Variants in TCTN1 observed in about 807,000 individuals in gnomAD.
TCTN1 encodes the protein tectonic family member 1, also known as tectonic-1.
In TCTN1, 58 loss-of-function variants were observed where a neutral mutation model predicts 65.8. The observed-to-expected ratio is 0.88, with a 90% confidence interval of 0.71 to 1.10. The LOEUF (loss-of-function observed/expected upper bound fraction) is 1.10. Among genes scored for constraint, TCTN1 ranks in the 50% least tolerant of loss-of-function variants. TCTN1 has a pLI of 0.00. For missense variants in TCTN1, 645 were observed against 719.4 expected (o/e 0.90, Z 1.18); for synonymous variants, 273 against 289.1 (o/e 0.94, Z 0.57).
At chr12:110,622,761 C>G (rs1344519139) in intron 2 of TCTN1, among the ~76,000 whole-genome samples, 2 of 152,164 alleles carry the variant, frequency 1.3e-5, no homozygotes, top group African/African-American at 4.8e-5. Context: ...GGTTTGGACT[C>G]TGTCCTGAAG....
chr12:110,632,461 T>A lies in TCTN1; in HGVS notation c.625-11T>A, dbSNP rs777545986. On this transcript the variant is annotated splice_polypyrimidine_tract_variant and intron_variant, in intron 4 of 14. Coordinates refer to ENST00000397659, the MANE Select transcript of TCTN1 (RefSeq NM_001082538.3). The stretch of plus-strand genomic sequence containing the variant: ...TTACACCATAACGACTGTTGGTTGT[T>A]GTGTTTGCAGTATGGGGTTCCTCTG... 1 of 1,613,732 alleles carries A rather than the reference T, an allele frequency of 6.2e-7. No individual in the cohort carries two copies.
Position 110,626,500 on chromosome 12 carries a change from T to C in TCTN1, c.472+8T>C. The stretch of plus-strand genomic sequence containing the variant: ...GCATTCATATTACAAACTGTAAGTA[T>C]TTGACATTGATATATTTTGTGAAGC... On this transcript the variant is annotated splice_region_variant and intron_variant, in intron 3 of 14. Transcript: ENST00000397659. The C allele has an allele frequency of 6.2e-7, 1 of 1,610,894 alleles. No homozygotes were observed. The highest frequency in any genetic ancestry group is 8.5e-7 in the Non-Finnish European group (1 of 1,178,870).
At position 110,639,462 on chromosome 12, in the gene TCTN1, A is replaced by G. The variant is rs946871995; in HGVS notation, c.844-921A>G. Among the ~76,000 whole-genome samples the G allele has an allele frequency of 1.0e-3, 150 of 147,232 alleles. 1 individual carries two copies. Among genetic ancestry groups the G allele is most frequent in the Non-Finnish European group, 6.5e-4 (43 of 66,410 alleles). ...ACTGTGTGTGTGTGTGTGTGTGTGT[A>G]TGTGTGTGTGAGCGTGCTTGCGCTT... On this transcript the variant is annotated intron_variant, in intron 7 of 14. Coordinates refer to ENST00000397659, the MANE Select transcript of TCTN1 (RefSeq NM_001082538.3). This position sits in a 1 kb window ranked among gnomAD's most constrained non-coding sequence, Gnocchi z 4.9.
chr12:110,642,279 T>G lies in TCTN1; in HGVS notation c.1221T>G (p.Tyr407Ter). 1 of 1,614,226 alleles carries G rather than the reference T, an allele frequency of 6.2e-7. No individual in the cohort carries two copies. The highest frequency in any genetic ancestry group is 8.5e-7 in the Non-Finnish European group (1 of 1,180,038). The change falls in exon 11 of 15, where the codon TAT becomes TAG. Residue 407 changes from tyrosine to a stop codon, truncating the protein, a stop_gained. Coordinates refer to ENST00000397659, the MANE Select transcript of TCTN1 (RefSeq NM_001082538.3). LOFTEE classifies it high-confidence loss of function. ...GGATTATTCAGACCACAAATAGATA[T>G]GGACAGCTTACTATTCTTCATAGCA... ...GSGIIQTTNR[Y>*]GQLTILHSTT...
At position 110,614,247 on chromosome 12, in the gene TCTN1, C is replaced by A; in HGVS notation, c.65C>A (p.Ala22Asp). 6.3e-7 allele frequency: 1 copy of A among 1,593,856 alleles called. No individual in the cohort carries two copies. The highest frequency in any genetic ancestry group is 8.5e-7 in the Non-Finnish European group (1 of 1,171,026). ...CTGGGCTGCTGGGCCTCCGTGAGCG[C>A]CCAGACCGATGCCACCCCGGCGGTG... ...VLLGCWASVS[A>D]QTDATPAVTT... is the part of the protein sequence containing the mutation. The change falls in exon 1 of 15, where the codon GCC (alanine) becomes GAC (aspartate). Residue 22 changes from alanine to aspartate, a missense_variant. Ala to Asp is a moderately radical substitution (Grantham distance 126, BLOSUM62 -2). Coordinates refer to ENST00000397659, the MANE Select transcript of TCTN1 (RefSeq NM_001082538.3).
At chr12:110,634,586 A>C in intron 5 of TCTN1, 84 bp from the exon 6 acceptor site, 2 of 1,083,802 alleles carry the variant, frequency 1.8e-6, no homozygotes, top group South Asian at 2.9e-5. Flanking sequence ...TACCTAGATT[A>C]AAACTTTTTA....
intron 5 of TCTN1, among the ~76,000 whole-genome samples, chr12:110,633,653 G>A (rs1233031908): frequency 2.0e-5 from 3 of 147,882 alleles, no homozygotes; most frequent in Non-Finnish European, 3.0e-5. Flanking sequence ...AAAAAAAAAA[G>A]AAAACAAAAC....
chr12:110,617,804 C>T (rs961036239), intron 1 of TCTN1, among the ~76,000 whole-genome samples: 1 of 150,708 alleles, frequency 6.6e-6, no homozygotes, highest in Non-Finnish European at 1.5e-5. Flanking sequence ...CCATGCCCGA[C>T]TAATTTTTGT....
intron 2 of TCTN1, among the ~76,000 whole-genome samples, chr12:110,625,289 C>T (rs755627554): frequency 1.3e-5 from 2 of 152,114 alleles, no homozygotes; most frequent in African/African-American, 2.4e-5. Context: ...AAATGCCAAG[C>T]TTTTTCTTTT....
intron 5 of TCTN1, chr12:110,634,268 A>G: frequency 2.7e-6 from 1 of 370,816 alleles, no homozygotes; most frequent in Non-Finnish European, 5.5e-6. Flanking sequence ...CCTCTGGAGA[A>G]GGGGACTGGT....
chr12:110,622,468 G>A (rs1471286852), intron 2 of TCTN1, among the ~76,000 whole-genome samples: 11 of 152,170 alleles, frequency 7.2e-5, no homozygotes, highest in East Asian at 1.9e-4. Flanking sequence ...CATCAAGCAC[G>A]ATGAGAAGGC....
At chr12:110,617,472 C>T (rs1404369284) in intron 1 of TCTN1, among the ~76,000 whole-genome samples, 1 of 151,360 alleles carries the variant, frequency 6.6e-6, no homozygotes, top group Non-Finnish European at 1.5e-5. Context: ...TACAGCCGCG[C>T]GCCACCATGC....
chr12:110,644,762 C>G lies in TCTN1; in HGVS notation c.1332-205C>G. 1.5e-6 allele frequency: 1 copy of G among 645,472 alleles called. No homozygotes were observed. The highest frequency in any genetic ancestry group is 2.7e-6 in the Non-Finnish European group (1 of 368,836). 40.0% of individuals were successfully genotyped at this position (645,472 alleles called of 1,614,324 possible). On this transcript the variant is annotated intron_variant, in intron 11 of 14. Transcript: ENST00000397659. This position sits in a 1 kb window ranked among gnomAD's most constrained non-coding sequence, Gnocchi z 4.6. ...GGTGTGGTGGCTCACTCCTGTAGTC[C>G]CAGCACTCTGGGAGGATTGCATGAG...
At chr12:110,618,606 C>T (rs2065208906) in intron 1 of TCTN1, among the ~76,000 whole-genome samples, 1 of 151,972 alleles carries the variant, frequency 6.6e-6, no homozygotes, top group African/African-American at 2.4e-5. Context: ...AACTCCTGAC[C>T]TCAAGTGATC....
At chr12:110,632,405 G>T (rs2066292981) in intron 4 of TCTN1, 67 bp from the exon 5 acceptor site, 7 of 1,534,986 alleles carry the variant, frequency 4.6e-6, no homozygotes. Context: ...CACATTGTGG[G>T]TGCCCAGTAA....
At chr12:110,638,302 G>C (rs1317860758) in intron 7 of TCTN1, among the ~76,000 whole-genome samples, 1 of 152,202 alleles carries the variant, frequency 6.6e-6, no homozygotes, top group African/African-American at 2.4e-5. Flanking sequence ...TTAGGTCTGT[G>C]TGACACCAAA....
At chr12:110,625,287 A>T (rs1266056992) in intron 2 of TCTN1, among the ~76,000 whole-genome samples, 1 of 152,200 alleles carries the variant, frequency 6.6e-6, no homozygotes, top group Non-Finnish European at 1.5e-5. Flanking sequence ...TTAAATGCCA[A>T]GCTTTTTCTT....
rs2065850306 is a variant in TCTN1, at chr12:110,626,481, A to G, written c.461A>G (p.His154Arg). 2 of 1,612,352 alleles carry G rather than the reference A, an allele frequency of 1.2e-6. No individual in the cohort carries two copies. Among genetic ancestry groups the G allele is most frequent in the Non-Finnish European group, 8.5e-7 (1 of 1,179,448 alleles). ...DQINPSIFCI[H>R]ITNYKPALSF... The stretch of plus-strand genomic sequence containing the variant: ...ATTAATCCATCTATTTTCTGCATTC[A>G]TATTACAAACTGTAAGTATTTGACA... The change falls in exon 3 of 15, where the codon CAT becomes CGT. Residue 154 changes from histidine (H) to arginine (R), a missense_variant. Coordinates refer to ENST00000397659, the MANE Select transcript of TCTN1 (RefSeq NM_001082538.3).
chr12:110,629,010 T>C (rs772213345), intron 4 of TCTN1, 92 bp downstream of exon 4: 2 of 1,469,578 alleles, frequency 1.4e-6, no homozygotes, highest in Admixed American at 1.7e-5. Context: ...ACTGGGTTCC[T>C]TGAGACAGAG....
Sources: gnomAD v4.1 joint callset for allele counts (sites outside exome capture counted in the v4.1 genomes callset) on GRCh38, gnomAD v4.1.1 for gene constraint, Gnocchi (gnomAD v3.1) non-coding constraint, MANE v1.5 for transcripts, NCBI Gene and HGNC (gene_info 2026-07-23, HGNC 2026-07-21) for gene names.